The following LRP1B variants were observed in gnomAD, a reference collection of about 807,000 sequenced individuals.
The protein encoded by LRP1B is low-density lipoprotein receptor-related protein 1B.
A neutral mutation model predicts 556.6 loss-of-function variants in LRP1B; 217 were observed. The ratio of observed to expected loss-of-function variants is 0.39; its 90% confidence interval spans 0.35 to 0.44. The LOEUF is 0.44. LRP1B is among the 20% of genes least tolerant of loss of function. The pLI, the probability that LRP1B is intolerant of heterozygous loss-of-function variation, is 1.00. For synonymous variants in LRP1B, 2,047 were observed against 1,865.8 expected (o/e 1.10, Z -2.50); for missense variants, 5,053 against 5,620.8 (o/e 0.90, Z 3.23).
chr2:140,582,576 G>T (rs1340593060), intron 43 of LRP1B, among the ~76,000 whole-genome samples: 1 of 152,144 alleles, frequency 6.6e-6, no homozygotes, highest in Non-Finnish European at 1.5e-5. Flanking sequence ...GAGCCTAAGT[G>T]TGTGGGTTTG....
chr2:140,978,794 G>T (rs961260958), intron 18 of LRP1B, among the ~76,000 whole-genome samples: 1 of 152,078 alleles, frequency 6.6e-6, no homozygotes, highest in African/African-American at 2.4e-5. Flanking sequence ...CATGTCTGAG[G>T]TAAAACATGT....
At chr2:141,361,726 AAAT>A (rs1688833743) in intron 3 of LRP1B, among the ~76,000 whole-genome samples, 2 of 152,184 alleles carry the variant, frequency 1.3e-5, no homozygotes, top group Non-Finnish European at 2.9e-5. Flanking sequence ...CCTGCAATGT[AAAT>A]AATGTGAAGT....
chr2:140,967,953 T>C (rs919508198), intron 18 of LRP1B, among the ~76,000 whole-genome samples: 11 of 141,408 alleles, frequency 7.8e-5, no homozygotes, highest in African/African-American at 2.6e-4. Context: ...CAGTATTTTA[T>C]TGAGGATTTT....
rs6429851 is a variant in LRP1B at position 140,947,544 on chromosome 2, T to G, written c.3136+2691A>C. 6.3e-3 allele frequency among the ~76,000 whole-genome samples: 954 copies of G among 152,356 alleles called. 9 individuals are homozygous for G. The highest frequency in any genetic ancestry group is 0.021 in the African/African-American group (857 of 41,598). ...TAATCAAAGCGAATTTCTGCTTTAC[T>G]TCGGCAATGGCTCACAAATTCTGCA... is the stretch of plus-strand genomic sequence containing the variant. On this transcript the variant is annotated intron_variant, in intron 20 of 90. Transcript: ENST00000389484.
At chr2:141,519,695 C>CTATA (rs10688392) in intron 2 of LRP1B, among the ~76,000 whole-genome samples, 13 of 151,502 alleles carry the variant, frequency 8.6e-5, no homozygotes, top group African/African-American at 1.2e-4. Flanking sequence ...CTACAGATTT[C>CTATA]TATATATATA....
chr2:140,247,267 A>G, intron 86 of LRP1B, 105 bp from the exon 87 acceptor site: 1 of 725,786 alleles, frequency 1.4e-6, no homozygotes, highest in Non-Finnish European at 2.5e-6. Flanking sequence ...GGAGCCAGTC[A>G]TCACAAATTC....
chr2:141,693,144 A>G (rs1251555534), intron 2 of LRP1B, among the ~76,000 whole-genome samples: 1 of 152,046 alleles, frequency 6.6e-6, no homozygotes, highest in Non-Finnish European at 1.5e-5. Context: ...ATTGCTCACT[A>G]AATTGTAAGC....
At chr2:140,301,300 A>G (rs1683809666) in intron 83 of LRP1B, among the ~76,000 whole-genome samples, 1 of 151,552 alleles carries the variant, frequency 6.6e-6, no homozygotes, top group African/African-American at 2.4e-5. Context: ...TACATCCTTG[A>G]GCTTCTTCAA....
rs2105419641 is a variant in LRP1B at position 140,700,274 on chromosome 2, C to T, written c.6775G>A (p.Glu2259Lys). The T allele has an allele frequency of 6.2e-7, 1 of 1,611,416 alleles. No individual in the cohort carries two copies. Among genetic ancestry groups the T allele is most frequent in the Middle Eastern group, 1.7e-4 (1 of 5,782 alleles). The change falls in exon 41 of 91, where the codon GAA (glutamate) becomes AAA (lysine). Residue 2259 changes from glutamate to lysine, a missense_variant. Around this residue, in one of 5 missense-constraint regions of LRP1B, gnomAD observed 3,619 missense variants for 3,931.9 expected, o/e 0.92. Transcript: ENST00000389484. The stretch of plus-strand genomic sequence containing the variant: ...CTTTCAACAATTACTTGTCTGTCTT[C>T]CCAGTTGTCTTTAATAAGCTGTATA... Reference protein sequence around the residue: ...GNIQLIKDNWEDRQVIVENVG... With the variant: ...GNIQLIKDNWKDRQVIVENVG...
chr2:141,197,031 TA>T (rs1681783362), intron 6 of LRP1B, among the ~76,000 whole-genome samples: 1 of 152,176 alleles, frequency 6.6e-6, no homozygotes, highest in South Asian at 2.1e-4. Flanking sequence ...TGCCACCATG[TA>T]AGACATGATT....
At chr2:140,366,784 C>T (rs7606050) in intron 71 of LRP1B, among the ~76,000 whole-genome samples, 10 of 151,650 alleles carry the variant, frequency 6.6e-5, no homozygotes, top group Admixed American at 2.6e-4. Flanking sequence ...TGAATGCCAA[C>T]GTATCTTTCC....
intron 2 of LRP1B, among the ~76,000 whole-genome samples, chr2:141,520,217 T>C (rs540015748): frequency 6.6e-5 from 10 of 152,246 alleles, no homozygotes; most frequent in Middle Eastern, 6.8e-3. Context: ...GGCAAGTGGA[T>C]TTTAATAAAG....
chr2:140,753,632 T>C (rs184883638), intron 35 of LRP1B, among the ~76,000 whole-genome samples: 2 of 152,276 alleles, frequency 1.3e-5, no homozygotes, highest in East Asian at 1.9e-4. Flanking sequence ...TAAGAAAATA[T>C]ACTAACTCTA....
intron 1 of LRP1B, among the ~76,000 whole-genome samples, chr2:142,066,172 G>A (rs1384915541): frequency 6.6e-6 from 1 of 151,576 alleles, no homozygotes; most frequent in Non-Finnish European, 1.5e-5. Context: ...CTGTCCAGAT[G>A]CACTGTGGTT....
chr2:141,995,574 G>T lies in LRP1B; in HGVS notation c.82+135074C>A, dbSNP rs188947665. Among the ~76,000 whole-genome samples, 36 of 152,196 alleles carry T rather than the reference G, an allele frequency of 2.4e-4. 1 individual carries two copies. Among genetic ancestry groups the T allele is most frequent in the African/African-American group, 8.4e-4 (35 of 41,534 alleles). ...AATTCACATACTCACAGGCTCTAGT[G>T]ATGAGAACATGGGCATTTTCAGGAG... On this transcript the variant is annotated intron_variant, in intron 1 of 90. Transcript: ENST00000389484.
At chr2:141,153,423 A>T (rs1574131500) in intron 7 of LRP1B, among the ~76,000 whole-genome samples, 1 of 121,108 alleles carries the variant, frequency 8.3e-6, no homozygotes, top group Non-Finnish European at 1.6e-5. Flanking sequence ...AGCTATATAT[A>T]TTTATATATA....
At chr2:141,162,799 T>C (rs1305425734) in intron 7 of LRP1B, among the ~76,000 whole-genome samples, 1 of 152,126 alleles carries the variant, frequency 6.6e-6, no homozygotes, top group African/African-American at 2.4e-5. Context: ...ACAAAATATA[T>C]TAACAATGTA....
intron 66 of LRP1B, among the ~76,000 whole-genome samples, chr2:140,420,501 T>C (rs112166888): frequency 0.012 from 1,828 of 152,334 alleles, 12 homozygotes; most frequent in Middle Eastern, 0.031. Flanking sequence ...ATACTTACTA[T>C]GTAATCCTGT....
intron 74 of LRP1B, among the ~76,000 whole-genome samples, chr2:140,357,508 G>A (rs145154620): frequency 1.2e-4 from 18 of 150,512 alleles, no homozygotes; most frequent in East Asian, 2.0e-4. Flanking sequence ...CAAACTATTC[G>A]CAATCAGCAG....
Sources: gnomAD v4.1 joint callset for allele counts (sites outside exome capture counted in the v4.1 genomes callset) on GRCh38, gnomAD v4.1.1 for gene constraint, gnomAD v4.1.1 regional missense constraint, MANE v1.5 for transcripts, NCBI Gene and HGNC (gene_info 2026-07-23, HGNC 2026-07-21) for gene names.